The following GLDN variants were observed in gnomAD, a reference collection of about 807,000 sequenced individuals.
GLDN encodes collomin.
Under a neutral mutation model 56.5 loss-of-function variants are expected in GLDN, and 47 were observed. The observed-to-expected ratio is 0.83, with a 90% CI of 0.66 to 1.06. The LOEUF (loss-of-function observed/expected upper bound fraction) is 1.06, where lower values mean the gene tolerates loss of function less well. Ranked by LOEUF, GLDN falls within the 50% of genes least tolerant of loss-of-function variation. The pLI is 0.00. For missense variants in GLDN, 782 were observed against 714.3 expected (o/e 1.09, Z -1.08); for synonymous variants, 332 against 278.8 (o/e 1.19, Z -1.90).
intron 1 of GLDN, among the ~76,000 whole-genome samples, chr15:51,360,853 A>G (rs12916589): frequency 0.23 from 35,509 of 151,958 alleles, 4,287 homozygotes; most frequent in Admixed American, 0.31. Context: ...GAGGGAGGAG[A>G]GGGCTGAGCA....
intron 1 of GLDN, among the ~76,000 whole-genome samples, chr15:51,343,015 T>C (rs2036913829): frequency 6.6e-6 from 1 of 152,236 alleles, no homozygotes; most frequent in Non-Finnish European, 1.5e-5. Flanking sequence ...CACATTGCAG[T>C]TCCCCATTCC....
intron 1 of GLDN, among the ~76,000 whole-genome samples, chr15:51,345,073 C>G (rs764195214): frequency 3.3e-5 from 5 of 152,074 alleles, no homozygotes; most frequent in Non-Finnish European, 7.4e-5. Flanking sequence ...AAAATTTGAC[C>G]CATCTGCTAC....
intron 2 of GLDN, among the ~76,000 whole-genome samples, chr15:51,383,147 G>T (rs551622761): frequency 6.6e-6 from 1 of 152,162 alleles, no homozygotes; most frequent in African/African-American, 2.4e-5. Flanking sequence ...CTGGCCCTCC[G>T]TTTATTAGGT....
At chr15:51,351,586 G>A (rs1210075269) in intron 1 of GLDN, among the ~76,000 whole-genome samples, 1 of 152,172 alleles carries the variant, frequency 6.6e-6, no homozygotes, top group African/African-American at 2.4e-5. Context: ...TCAAAGCCAA[G>A]GGCTGGTTCA....
chr15:51,367,814 G>C (rs746843329), intron 1 of GLDN, among the ~76,000 whole-genome samples: 13 of 152,150 alleles, frequency 8.5e-5, no homozygotes, highest in Non-Finnish European at 1.3e-4. Context: ...GTGCAGCCAC[G>C]CAAGTGCCCT....
chr15:51,400,120 A>G, intron 6 of GLDN, 72 bp from the exon 7 acceptor site: 1 of 1,267,584 alleles, frequency 7.9e-7, no homozygotes, highest in Non-Finnish European at 1.2e-6. Context: ...GGGGAAGAGC[A>G]GCAGCTATAA....
chr15:51,362,734 G>A (rs1188919099), intron 1 of GLDN, among the ~76,000 whole-genome samples: 3 of 152,152 alleles, frequency 2.0e-5, no homozygotes, highest in South Asian at 4.1e-4. Context: ...GACTTTGTGG[G>A]TGGGCAAGTT....
chr15:51,404,601 G>T lies in GLDN; in HGVS notation c.1503G>T (p.Gly501=). Residue 501 remains glycine (G), a synonymous_variant, in exon 10 of 10, where the codon GGG becomes GGT. Coordinates refer to ENST00000335449, the MANE Select transcript of GLDN (RefSeq NM_181789.4). ...CATTTGCCTTTGATTTGTTAGGAGG[G>T]AAACAGATCAATGCAAACTTTGATT... ...RVTFAFDLLG[G]KQINANFDLR... 1 of 1,614,070 alleles carries T rather than the reference G, an allele frequency of 6.2e-7. No homozygotes were observed. Among genetic ancestry groups the T allele is most frequent in the Non-Finnish European group, 8.5e-7 (1 of 1,179,944 alleles).
intron 1 of GLDN, among the ~76,000 whole-genome samples, chr15:51,371,781 C>T (rs2141079511): frequency 6.6e-6 from 1 of 152,272 alleles, no homozygotes; most frequent in East Asian, 1.9e-4. Flanking sequence ...CTCATGGGTT[C>T]AAGCGAGTCT....
At chr15:51,366,345 G>A (rs2037401310) in intron 1 of GLDN, among the ~76,000 whole-genome samples, 1 of 152,214 alleles carries the variant, frequency 6.6e-6, no homozygotes, top group African/African-American at 2.4e-5. Flanking sequence ...ACAAGGACTT[G>A]TCATTACTGA....
intron 1 of GLDN, among the ~76,000 whole-genome samples, chr15:51,371,993 A>G (rs2037526959): frequency 6.6e-6 from 1 of 152,126 alleles, no homozygotes; most frequent in African/African-American, 2.4e-5. Context: ...CCAGGAATTT[A>G]TCTTTTACAG....
intron 1 of GLDN, among the ~76,000 whole-genome samples, chr15:51,370,142 T>C (rs2141076812): frequency 6.6e-6 from 1 of 152,160 alleles, no homozygotes; most frequent in Non-Finnish European, 1.5e-5. Flanking sequence ...AGAAAGTAGA[T>C]GAAGGGGAAA....
chr15:51,374,125 T>C (rs2470171), intron 1 of GLDN, among the ~76,000 whole-genome samples: 77,390 of 151,998 alleles, frequency 0.51, 21,594 homozygotes, highest in African/African-American at 0.74. Flanking sequence ...ACAAATGAAA[T>C]CAAAAGGTCA....
At chr15:51,395,510 G>A (rs1351481578) in intron 5 of GLDN, among the ~76,000 whole-genome samples, 7 of 152,172 alleles carry the variant, frequency 4.6e-5, no homozygotes, top group Non-Finnish European at 1.0e-4. Context: ...GTGACATGGG[G>A]CTTTACTGGG....
At position 51,365,924 on chromosome 15, in the gene GLDN, A is replaced by G. The variant is rs557056145; in HGVS notation, c.364-11525A>G. On this transcript the variant is annotated intron_variant, in intron 1 of 9. Coordinates refer to ENST00000335449, the MANE Select transcript of GLDN (RefSeq NM_181789.4). ...TGTTACATTTGTATGTGTTTAAAAC[A>G]GAGATAAAAAGAGCCTGTCCCCTTT... is the stretch of plus-strand genomic sequence containing the variant. Among the ~76,000 whole-genome samples, 25 of 152,354 alleles carry G rather than the reference A, an allele frequency of 1.6e-4. 1 individual carries two copies. The South Asian group carries it at 5.2e-3, about 32-fold the overall frequency.
intron 4 of GLDN, among the ~76,000 whole-genome samples, chr15:51,393,839 C>T (rs1021673920): frequency 2.6e-5 from 4 of 152,188 alleles, no homozygotes; most frequent in African/African-American, 7.2e-5. Context: ...TAGCAATGTG[C>T]GGAGGACAGC....
intron 1 of GLDN, among the ~76,000 whole-genome samples, chr15:51,358,175 T>C (rs1219456450): frequency 2.6e-5 from 4 of 152,106 alleles, no homozygotes; most frequent in African/African-American, 9.7e-5. Context: ...TAATAGATAA[T>C]AGGTCCCCCC....
At chr15:51,346,417 C>T (rs1402800780) in intron 1 of GLDN, among the ~76,000 whole-genome samples, 1 of 152,148 alleles carries the variant, frequency 6.6e-6, no homozygotes, top group Non-Finnish European at 1.5e-5. Context: ...GACAGTATCT[C>T]ACACCAGGGA....
At chr15:51,392,554 T>G (rs539456249) in intron 4 of GLDN, among the ~76,000 whole-genome samples, 1 of 152,346 alleles carries the variant, frequency 6.6e-6, no homozygotes, top group African/African-American at 2.4e-5. Flanking sequence ...TCACAATAAA[T>G]GCAATGCATT....
Sources: allele counts gnomAD v4.1 joint callset (sites outside exome capture counted in the v4.1 genomes callset), GRCh38; gene constraint gnomAD v4.1.1; transcripts MANE v1.5; gene names NCBI Gene and HGNC (gene_info 2026-07-23, HGNC 2026-07-21).